Variants in SPAG16 observed in about 807,000 individuals in gnomAD.
SPAG16 encodes the protein sperm-associated antigen 16 protein.
Under a neutral mutation model 80.4 loss-of-function variants are expected in SPAG16, and 86 were observed. The observed-to-expected ratio is 1.07, with a 90% CI of 0.90 to 1.28. SPAG16 has a LOEUF of 1.28. SPAG16 is among the 50% of genes most tolerant of loss of function. The probability of loss-of-function intolerance (pLI) is 0.00; values close to 1 mark genes in which losing one functional copy is unlikely to be tolerated. For missense variants in SPAG16, 870 were observed against 765.3 expected (o/e 1.14, Z -1.61); for synonymous variants, 294 against 265.9 (o/e 1.11, Z -1.03).
At chr2:214,311,860 C>T (rs1695354655) in intron 15 of SPAG16, 3 of 152,186 alleles carry the variant, frequency 2.0e-5, no homozygotes, top group Admixed American at 1.3e-4. Flanking sequence ...TAATCTCTCT[C>T]TTTTGTGGCT....
chr2:213,869,776 C>A (rs1365815), intron 11 of SPAG16, among the ~76,000 whole-genome samples: 37,233 of 151,832 alleles, frequency 0.25, 5,159 homozygotes, highest in South Asian at 0.37. Flanking sequence ...TAAAACCAAC[C>A]TTGCAAGTAT....
chr2:213,758,033 A>G (rs1190969779), intron 10 of SPAG16: 3 of 151,918 alleles, frequency 2.0e-5, no homozygotes, highest in Non-Finnish European at 4.4e-5. Context: ...AAGTAACTGC[A>G]CATATGGTGA....
chr2:214,217,079 G>T (rs1258654631), intron 15 of SPAG16, among the ~76,000 whole-genome samples: 1 of 152,088 alleles, frequency 6.6e-6, no homozygotes, highest in Non-Finnish European at 1.5e-5. Context: ...AGAGCCAAGT[G>T]GTGGATTTAA....
chr2:213,709,388 T>A (rs1230059937), intron 10 of SPAG16, among the ~76,000 whole-genome samples: 4 of 152,210 alleles, frequency 2.6e-5, no homozygotes, highest in Non-Finnish European at 5.9e-5. Context: ...TATTTGGACA[T>A]AGTCTTGCAA....
At chr2:214,381,794 C>G (rs1253278873) in intron 15 of SPAG16, among the ~76,000 whole-genome samples, 1 of 152,184 alleles carries the variant, frequency 6.6e-6, no homozygotes, top group East Asian at 1.9e-4. Context: ...CTAAAGAAAA[C>G]AAAAACACTC....
intron 10 of SPAG16, among the ~76,000 whole-genome samples, chr2:213,812,107 A>G (rs376078319): frequency 3.3e-5 from 5 of 152,314 alleles, no homozygotes; most frequent in African/African-American, 1.2e-4. Context: ...CAGTTGTTAC[A>G]GGAACCTGAT....
chr2:213,637,403 T>A (rs1377072381), intron 10 of SPAG16, among the ~76,000 whole-genome samples: 1 of 152,212 alleles, frequency 6.6e-6, no homozygotes, highest in Admixed American at 6.5e-5. Flanking sequence ...GTAGTTTTCT[T>A]TCTTTGTTAT....
chr2:213,573,161 C>T (rs867417790), intron 10 of SPAG16, among the ~76,000 whole-genome samples: 17 of 152,132 alleles, frequency 1.1e-4, no homozygotes, highest in African/African-American at 3.6e-4. Context: ...GAGATGAACC[C>T]GGTACCTCAG....
intron 12 of SPAG16, among the ~76,000 whole-genome samples, chr2:213,991,589 C>A (rs868218361): frequency 3.7e-4 from 56 of 152,264 alleles, no homozygotes; most frequent in African/African-American, 1.1e-3. Flanking sequence ...GCACTTGTCC[C>A]ACGCTGCATT....
chr2:213,477,046 T>A (rs2073440715), intron 9 of SPAG16, among the ~76,000 whole-genome samples: 2 of 152,106 alleles, frequency 1.3e-5, no homozygotes. Context: ...AATGGGGGAA[T>A]GAATGCTGAT....
chr2:213,606,008 G>T (rs2061248016), intron 10 of SPAG16, among the ~76,000 whole-genome samples: 1 of 152,048 alleles, frequency 6.6e-6, no homozygotes, highest in African/African-American at 2.4e-5. Context: ...TAACTTCAAT[G>T]AACATTGGTT....
intron 8 of SPAG16, chr2:213,365,150 C>G (rs1365915909): frequency 6.6e-6 from 1 of 152,164 alleles, no homozygotes; most frequent in East Asian, 1.9e-4. Context: ...AGACAGTCAT[C>G]CAGAGTCTTT....
chr2:214,118,204 C>G (rs1230973107), intron 14 of SPAG16, among the ~76,000 whole-genome samples: 1 of 151,976 alleles, frequency 6.6e-6, no homozygotes, highest in African/African-American at 2.4e-5. Flanking sequence ...CAATAGCAAA[C>G]TCTCCAAAAA....
At chr2:213,865,880 A>C (rs1460390858) in intron 11 of SPAG16, among the ~76,000 whole-genome samples, 2 of 148,148 alleles carry the variant, frequency 1.3e-5, no homozygotes, top group Non-Finnish European at 3.0e-5. Context: ...TAATATACAT[A>C]GCAACTTGGA....
At chr2:214,344,719 C>T (rs573592742) in intron 15 of SPAG16, among the ~76,000 whole-genome samples, 60 of 152,208 alleles carry the variant, frequency 3.9e-4, no homozygotes, top group African/African-American at 7.5e-4. Context: ...AGCTGAATAA[C>T]GTTCGAAACC....
intron 15 of SPAG16, among the ~76,000 whole-genome samples, chr2:214,241,733 T>C (rs752883144): frequency 2.2e-4 from 34 of 152,210 alleles, no homozygotes; most frequent in Non-Finnish European, 4.6e-4. Context: ...TTTAAACTAA[T>C]TTACTGTTTA....
At chr2:213,676,113 G>A (rs1269357857) in intron 10 of SPAG16, among the ~76,000 whole-genome samples, 1 of 150,042 alleles carries the variant, frequency 6.7e-6, no homozygotes, top group South Asian at 2.1e-4. Context: ...TCCCTTGTAA[G>A]TTGGATTCCT....
intron 10 of SPAG16, among the ~76,000 whole-genome samples, chr2:213,537,845 C>T (rs552976301): frequency 6.6e-6 from 1 of 152,274 alleles, no homozygotes; most frequent in African/African-American, 2.4e-5. Flanking sequence ...TTGAGTGTTT[C>T]AGGACACCTG....
At chr2:213,909,845 T>C (rs1261739283) in intron 11 of SPAG16, among the ~76,000 whole-genome samples, 2 of 152,188 alleles carry the variant, frequency 1.3e-5, no homozygotes. Context: ...CAGCCAGAAG[T>C]GCTGTATCAA....
Sources: allele counts gnomAD v4.1 joint callset (sites outside exome capture counted in the v4.1 genomes callset), GRCh38; gene constraint gnomAD v4.1.1; transcripts MANE v1.5; gene names NCBI Gene and HGNC (gene_info 2026-07-23, HGNC 2026-07-21).